Variants in SDK1 observed in about 807,000 individuals in gnomAD.
The protein encoded by SDK1 is sidekick cell adhesion molecule 1, also known as protein sidekick-1.
In SDK1, 157 loss-of-function variants were observed where a neutral mutation model predicts 245.5. The ratio of observed to expected loss-of-function variants is 0.64; its 90% CI spans 0.56 to 0.73. The LOEUF (loss-of-function observed/expected upper bound fraction) is 0.73, where lower values mean the gene tolerates loss of function less well. SDK1 is among the 30% of genes least tolerant of loss of function. The probability of loss-of-function intolerance (pLI) is 0.00; values close to 1 mark genes in which losing one functional copy is unlikely to be tolerated. For missense variants in SDK1, 3,583 were observed against 3,002.3 expected, an observed-to-expected ratio of 1.19 and a Z score of -4.52; for synonymous variants, 1,647 against 1,278.5, an observed-to-expected ratio of 1.29 and a Z score of -6.15.
chr7:3,426,005 G>A (rs1779665466), intron 1 of SDK1, among the ~76,000 whole-genome samples: 1 of 152,150 alleles, frequency 6.6e-6, no homozygotes, highest in Non-Finnish European at 1.5e-5. Context: ...ACTTATACAT[G>A]GAAGGATTAT....
chr7:3,878,825 T>G (rs1781136329), intron 5 of SDK1, among the ~76,000 whole-genome samples: 1 of 152,148 alleles, frequency 6.6e-6, no homozygotes, highest in Non-Finnish European at 1.5e-5. Flanking sequence ...AGGGCAGCCC[T>G]GTGACATTTA....
At chr7:4,058,016 A>G (rs1157579381) in intron 19 of SDK1, among the ~76,000 whole-genome samples, 2 of 152,230 alleles carry the variant, frequency 1.3e-5, no homozygotes, top group African/African-American at 2.4e-5. Context: ...GAAGTATAAC[A>G]CTTCCAAAGG....
At chr7:3,998,485 A>T (rs892526957) in intron 14 of SDK1, among the ~76,000 whole-genome samples, 3 of 152,242 alleles carry the variant, frequency 2.0e-5, no homozygotes, top group Non-Finnish European at 4.4e-5. Flanking sequence ...ATAACAAAAT[A>T]TTACATTTAG....
chr7:4,108,897 G>A (rs1366207367), intron 22 of SDK1, among the ~76,000 whole-genome samples: 1 of 152,140 alleles, frequency 6.6e-6, no homozygotes, highest in Non-Finnish European at 1.5e-5. Context: ...GAAAGATCCT[G>A]GACATTTCGT....
intron 13 of SDK1, among the ~76,000 whole-genome samples, chr7:3,977,437 C>G (rs576241985): frequency 7.9e-5 from 12 of 152,302 alleles, no homozygotes; most frequent in Non-Finnish European, 1.3e-4. Flanking sequence ...AGAGGGTCCT[C>G]CAGCTTTTGT....
At chr7:3,588,759 G>C (rs948865244) in intron 1 of SDK1, among the ~76,000 whole-genome samples, 6 of 152,142 alleles carry the variant, frequency 3.9e-5, no homozygotes, top group Non-Finnish European at 8.8e-5. Context: ...GAATAAAATA[G>C]TTTATTATAT....
chr7:4,265,522 A>T lies in SDK1; in HGVS notation c.*138A>T, dbSNP rs1263201806. ...AATCTGATAAGTGATGATTTTACCT[A>T]CTTGTGGACACTAGATTTCAATTAG... On this transcript the variant is annotated 3_prime_UTR_variant, in exon 45 of 45. Transcript: ENST00000404826. 7.4e-7 allele frequency: 1 copy of T among 1,355,274 alleles called. No homozygotes were observed. Among genetic ancestry groups the T allele is most frequent in the East Asian group, 3.0e-5 (1 of 33,484 alleles). The allele number at this position is 1,355,274 out of a possible 1,614,324, so 84.0% of individuals were successfully genotyped here.
chr7:3,678,624 G>A (rs919477522), intron 4 of SDK1, among the ~76,000 whole-genome samples: 1 of 152,162 alleles, frequency 6.6e-6, no homozygotes, highest in Non-Finnish European at 1.5e-5. Context: ...CATGGCCCTG[G>A]GGGGAGGGAG....
At chr7:3,549,118 C>T (rs975840211) in intron 1 of SDK1, among the ~76,000 whole-genome samples, 8 of 152,298 alleles carry the variant, frequency 5.3e-5, no homozygotes, top group East Asian at 1.9e-4. Flanking sequence ...TTCCAAACTG[C>T]GTAAAAAATG....
At chr7:3,646,304 C>T (rs762646449) in intron 4 of SDK1, among the ~76,000 whole-genome samples, 6 of 150,922 alleles carry the variant, frequency 4.0e-5, no homozygotes, top group Non-Finnish European at 8.8e-5. Context: ...GGGCTTTAGG[C>T]TTATAATTAA....
intron 1 of SDK1, among the ~76,000 whole-genome samples, chr7:3,516,410 T>G (rs1782753560): frequency 6.6e-6 from 1 of 152,110 alleles, no homozygotes; most frequent in Non-Finnish European, 1.5e-5. Context: ...CAACTAACTT[T>G]TATAATTTGA....
intron 5 of SDK1, among the ~76,000 whole-genome samples, chr7:3,894,741 C>T (rs1583523593): frequency 1.3e-5 from 2 of 151,194 alleles, no homozygotes; most frequent in African/African-American, 4.9e-5. Context: ...CTCTGTCCCC[C>T]CGGTTGGAGT....
At chr7:3,425,292 T>C (rs1208962774) in intron 1 of SDK1, among the ~76,000 whole-genome samples, 1 of 152,194 alleles carries the variant, frequency 6.6e-6, no homozygotes, top group African/African-American at 2.4e-5. Context: ...TTTATGGCCC[T>C]TATCTGTTGA....
chr7:4,115,510 A>T (rs1425584597), intron 25 of SDK1, among the ~76,000 whole-genome samples: 1 of 151,810 alleles, frequency 6.6e-6, no homozygotes, highest in Non-Finnish European at 1.5e-5. Flanking sequence ...CTCTTCTCTG[A>T]CTCTCTGCGT....
intron 42 of SDK1, among the ~76,000 whole-genome samples, chr7:4,239,320 G>A (rs996535714): frequency 6.6e-5 from 10 of 152,180 alleles, no homozygotes; most frequent in African/African-American, 2.2e-4. Flanking sequence ...TATAAACAGG[G>A]AAGATGCATG....
At chr7:4,173,049 T>A (rs1002608875) in intron 32 of SDK1, among the ~76,000 whole-genome samples, 36 of 152,340 alleles carry the variant, frequency 2.4e-4, no homozygotes, top group African/African-American at 8.2e-4. Context: ...GGGGCTCTCG[T>A]GCAGCAAAGC....
At chr7:3,380,406 G>A (rs1000603908) in intron 1 of SDK1, among the ~76,000 whole-genome samples, 11 of 152,192 alleles carry the variant, frequency 7.2e-5, no homozygotes, top group African/African-American at 2.7e-4. Context: ...CCTACACAGC[G>A]TTTTAAGAGT....
At position 4,268,032 on chromosome 7, in the gene SDK1, G is replaced by A. The variant is rs3801065; in HGVS notation, c.*2648G>A. 482,619 of 984,820 alleles carry A rather than the reference G, an allele frequency of 0.49. 119,490 individuals carry two copies. The highest frequency in any genetic ancestry group is 0.55 in the African/African-American group (31,208 of 57,238). The allele number at this position is 984,820 out of a possible 1,614,324, so 61.0% of individuals were successfully genotyped here. On this transcript the variant is annotated 3_prime_UTR_variant, in exon 45 of 45. Coordinates refer to ENST00000404826, the MANE Select transcript of SDK1 (RefSeq NM_152744.4). Reference sequence around the variant, plus strand: ...AAAATCACAGCCTAGGAAGATGGAGGTTGGATTTTAATCTCGGTTTTAAAA... The same window carrying A: ...AAAATCACAGCCTAGGAAGATGGAGATTGGATTTTAATCTCGGTTTTAAAA...
chr7:3,411,867 C>T (rs961834834), intron 1 of SDK1, among the ~76,000 whole-genome samples: 2 of 151,900 alleles, frequency 1.3e-5, no homozygotes, highest in African/African-American at 2.4e-5. Context: ...AGGTATGAAC[C>T]CATTGCCTAG....
Sources: gnomAD v4.1 joint callset for allele counts (sites outside exome capture counted in the v4.1 genomes callset) on GRCh38, gnomAD v4.1.1 for gene constraint, MANE v1.5 for transcripts, NCBI Gene and HGNC (gene_info 2026-07-23, HGNC 2026-07-21) for gene names.